Variants in DOCK8 observed in about 807,000 individuals in gnomAD.
The protein encoded by DOCK8 is dedicator of cytokinesis protein 8.
Under a neutral mutation model 245.6 loss-of-function variants are expected in DOCK8, and 141 were observed. The ratio of observed to expected loss-of-function variants is 0.57; its 90% CI spans 0.50 to 0.66. The LOEUF (loss-of-function observed/expected upper bound fraction) is 0.66. DOCK8 is among the 30% of genes least tolerant of loss of function. DOCK8 has a pLI of 0.00. For synonymous variants in DOCK8, 1,168 were observed against 970.2 expected (o/e 1.20, Z -3.79); for missense variants, 2,965 against 2,603.4 (o/e 1.14, Z -3.02).
chr9:255,619 G>C (rs1188112977), intron 1 of DOCK8, among the ~76,000 whole-genome samples: 2 of 131,478 alleles, frequency 1.5e-5, no homozygotes, highest in African/African-American at 5.8e-5. Flanking sequence ...AGTGAGCCGA[G>C]ATCGCGCCAC....
chr9:215,116 G>C, intron 1 of DOCK8, 87 bp downstream of exon 1: 2 of 1,499,762 alleles, frequency 1.3e-6, no homozygotes, highest in Non-Finnish European at 1.8e-6. Flanking sequence ...GCCGAGGCCG[G>C]ACGAGTCCAT....
chr9:295,405 A>T (rs189544091), intron 4 of DOCK8, among the ~76,000 whole-genome samples: 1 of 152,302 alleles, frequency 6.6e-6, no homozygotes, highest in East Asian at 1.9e-4. Flanking sequence ...AATTCCAGTT[A>T]TCCCAATATT....
intron 4 of DOCK8, among the ~76,000 whole-genome samples, chr9:290,794 A>T (rs1348634525): frequency 2.0e-5 from 3 of 152,194 alleles, no homozygotes; most frequent in Admixed American, 6.5e-5. Flanking sequence ...CCTATACCTC[A>T]GTAAGAATTA....
Position 414,922 on chromosome 9 carries a change from A to T in DOCK8, c.3671A>T (p.Asp1224Val). 1 of 1,613,970 alleles carries T rather than the reference A, an allele frequency of 6.2e-7. No homozygotes were observed. The highest frequency in any genetic ancestry group is 8.5e-7 in the Non-Finnish European group (1 of 1,180,022). ...LYLPLVGIIL[D>V]ALPQLCDFTV... is the part of the protein sequence containing the mutation. ...CTACCTTTAGTTGGCATCATTTTGG[A>T]TGCTTTGCCACAGCTCTGTGACTTT... The change falls in exon 29 of 48, where the codon GAT (aspartate) becomes GTT (valine). Residue 1224 changes from aspartate to valine, a missense_variant. Physicochemically the swap from Asp to Val is radical, Grantham distance 152. Around this residue, in one of 3 missense-constraint regions of DOCK8, gnomAD observed 2,825 missense variants for 2,453.5 expected, o/e 1.15. Transcript: ENST00000432829.
intron 4 of DOCK8, among the ~76,000 whole-genome samples, chr9:295,031 G>A (rs938941842): frequency 1.3e-5 from 2 of 152,020 alleles, no homozygotes; most frequent in South Asian, 2.1e-4. Flanking sequence ...GTGGTGGCAC[G>A]TGCCTGTAGT....
chr9:392,813 A>G (rs1017074695), intron 24 of DOCK8, among the ~76,000 whole-genome samples: 1 of 152,084 alleles, frequency 6.6e-6, no homozygotes, highest in African/African-American at 2.4e-5. Context: ...TTCTTGAGGC[A>G]TGAGAAGTAT....
chr9:224,037 T>C (rs2046939009), intron 1 of DOCK8, among the ~76,000 whole-genome samples: 1 of 152,194 alleles, frequency 6.6e-6, no homozygotes, highest in African/African-American at 2.4e-5. Flanking sequence ...ACGGAGCTGA[T>C]TTTTAGGTAC....
intron 5 of DOCK8, among the ~76,000 whole-genome samples, chr9:308,712 C>T (rs1471843912): frequency 1.3e-5 from 2 of 152,202 alleles, no homozygotes; most frequent in South Asian, 2.1e-4. Flanking sequence ...GGCTGGAGTG[C>T]AGTGGCACGA....
At chr9:214,760 G>T (rs779181761), upstream of DOCK8, 4 of 1,534,510 alleles carry the variant, frequency 2.6e-6, no homozygotes, top group East Asian at 2.6e-5. Flanking sequence ...CTGCCTGCGC[G>T]CCAGGCCGGG....
At chr9:278,742 G>A (rs937678662) in intron 2 of DOCK8, among the ~76,000 whole-genome samples, 3 of 152,192 alleles carry the variant, frequency 2.0e-5, no homozygotes, top group African/African-American at 7.2e-5. Context: ...AATAAGTGAC[G>A]TGCTCCAGAA....
intron 30 of DOCK8, 147 bp from the exon 31 acceptor site, chr9:420,254 A>G: frequency 1.1e-6 from 1 of 889,138 alleles, no homozygotes; most frequent in Non-Finnish European, 1.8e-6. Flanking sequence ...GGCTACTGGC[A>G]ATAGATCTCC....
intron 1 of DOCK8, among the ~76,000 whole-genome samples, chr9:219,675 T>C (rs980023380): frequency 6.6e-6 from 1 of 152,142 alleles, no homozygotes; most frequent in Non-Finnish European, 1.5e-5. Context: ...AGCTGGTAGA[T>C]GGCTCGAGCC....
At chr9:438,175 G>A (rs1277219663) in intron 39 of DOCK8, among the ~76,000 whole-genome samples, 4 of 152,196 alleles carry the variant, frequency 2.6e-5, no homozygotes, top group Non-Finnish European at 5.9e-5. Flanking sequence ...TGATTGCTAA[G>A]GTTGATTCAC....
At chr9:346,892 C>A (rs988746374) in intron 14 of DOCK8, among the ~76,000 whole-genome samples, 2 of 151,056 alleles carry the variant, frequency 1.3e-5, no homozygotes, top group South Asian at 4.2e-4. Context: ...TAACTGCAAA[C>A]GAAGTGGTTA....
At chr9:329,408 A>G (rs1052127019) in intron 9 of DOCK8, among the ~76,000 whole-genome samples, 2 of 152,128 alleles carry the variant, frequency 1.3e-5, no homozygotes, top group African/African-American at 4.8e-5. Flanking sequence ...TAATTCAGGT[A>G]GCTTTGAGGT....
At chr9:385,363 A>G (rs1372764990) in intron 22 of DOCK8, among the ~76,000 whole-genome samples, 7 of 152,234 alleles carry the variant, frequency 4.6e-5, no homozygotes, top group African/African-American at 1.2e-4. Context: ...GAGAAATGCA[A>G]TGAAAGTCAT....
chr9:439,480 G>A, intron 40 of DOCK8, 92 bp downstream of exon 40: 2 of 1,546,210 alleles, frequency 1.3e-6, no homozygotes, highest in South Asian at 1.1e-5. Context: ...GGCCCAGTCA[G>A]CCCCACTTCC....
chr9:215,402 G>A (rs2046725989), intron 1 of DOCK8: 1 of 1,546,252 alleles, frequency 6.5e-7, no homozygotes, highest in African/African-American at 1.4e-5. Flanking sequence ...CTCATAAACG[G>A]CTCCTTCCTT....
chr9:378,861 G>T (rs978448389), intron 20 of DOCK8, among the ~76,000 whole-genome samples: 2 of 152,220 alleles, frequency 1.3e-5, no homozygotes, highest in African/African-American at 2.4e-5. Flanking sequence ...AATGCACTTC[G>T]CATGGGAAGG....
Sources: gnomAD v4.1 joint callset for allele counts (sites outside exome capture counted in the v4.1 genomes callset) on GRCh38, gnomAD v4.1.1 for gene constraint, gnomAD v4.1.1 regional missense constraint, MANE v1.5 for transcripts, NCBI Gene and HGNC (gene_info 2026-07-23, HGNC 2026-07-21) for gene names.